PLCB1: variants seen among roughly 807,000 people sequenced by gnomAD.
The protein encoded by PLCB1 is phospholipase C beta 1.
Under a neutral mutation model 161.8 loss-of-function variants are expected in PLCB1, and 46 were observed. The ratio of observed to expected loss-of-function variants is 0.28; its 90% CI spans 0.22 to 0.36. The LOEUF is 0.36. Among genes scored for constraint, PLCB1 ranks in the 10% least tolerant of loss-of-function variants. The pLI is 1.00. For synonymous variants in PLCB1, 517 were observed against 503.7 expected, an observed-to-expected ratio of 1.03 and a Z score of -0.35; for missense variants, 1,016 against 1,472.5, an observed-to-expected ratio of 0.69 and a Z score of 5.07.
intron 2 of PLCB1, among the ~76,000 whole-genome samples, chr20:8,156,474 G>A (rs2051564640): frequency 6.6e-6 from 1 of 152,208 alleles, no homozygotes; most frequent in South Asian, 2.1e-4. Flanking sequence ...TAATGCAGAT[G>A]CATAGTGCTT....
chr20:8,816,625 A>G lies in PLCB1; in HGVS notation c.3423+26364A>G, dbSNP rs568729589. On this transcript the variant is annotated intron_variant, in intron 31 of 31. Coordinates refer to ENST00000338037, the MANE Select transcript of PLCB1 (RefSeq NM_015192.4). The stretch of plus-strand genomic sequence containing the variant: ...CAAATTCTGTTCTTTCTATAAGCAT[A>G]TATATGAATATGAATGAACAGAGAA... Among the ~76,000 whole-genome samples the G allele has an allele frequency of 7.9e-5, 12 of 152,346 alleles. No individual in the cohort carries two copies. The South Asian group carries it at 2.3e-3, about 29-fold the overall frequency.
chr20:8,475,465 C>T lies in PLCB1; in HGVS notation c.246+104015C>T, dbSNP rs1269159194. 2.6e-5 allele frequency among the ~76,000 whole-genome samples: 4 copies of T among 152,094 alleles called. No homozygotes were observed. The East Asian group carries it at 7.7e-4, about 29-fold the overall frequency. On this transcript the variant is annotated intron_variant, in intron 3 of 31. Transcript: ENST00000338037. ...AAGACAGAGATGTCCTTGCAACAAA[C>T]CAGAAAGTGAGGTATAACTATTCTA...
At chr20:8,537,908 A>C (rs1328585575) in intron 3 of PLCB1, among the ~76,000 whole-genome samples, 3 of 152,208 alleles carry the variant, frequency 2.0e-5, no homozygotes. Context: ...ACTGAAGAAA[A>C]GTGTCCCGAG....
rs189965641 is a variant in PLCB1 at position 8,708,320 on chromosome 20, A to G, written c.1168-350A>G. Among the ~76,000 whole-genome samples the G allele has an allele frequency of 1.3e-3, 194 of 152,314 alleles. 3 individuals carry two copies. The East Asian group carries it at 0.028, about 22-fold the overall frequency. On this transcript the variant is annotated intron_variant, in intron 11 of 31. Coordinates refer to ENST00000338037, the MANE Select transcript of PLCB1 (RefSeq NM_015192.4). ...ATGCTAACAATGGTTTGGTTCAGAA[A>G]GTGGATTTGTGGGTGAAAATTTTTG...
chr20:8,735,685 G>A (rs1980545529), intron 19 of PLCB1, among the ~76,000 whole-genome samples: 1 of 152,196 alleles, frequency 6.6e-6, no homozygotes, highest in East Asian at 1.9e-4. Flanking sequence ...CTGTGCATCT[G>A]AATTCCAAGT....
intron 3 of PLCB1, among the ~76,000 whole-genome samples, chr20:8,401,078 G>C (rs995461401): frequency 1.3e-5 from 2 of 152,026 alleles, no homozygotes; most frequent in African/African-American, 4.8e-5. Context: ...TTTGATCTTT[G>C]AAATGTTATA....
intron 2 of PLCB1, among the ~76,000 whole-genome samples, chr20:8,291,038 T>TATTCATCAGTGCTCAGAATAGACCTCATG: frequency 6.7e-6 from 1 of 148,644 alleles, no homozygotes; most frequent in South Asian, 2.2e-4. Flanking sequence ...ACAATCTTTT[T>TATTCATCAGTGCTCAGAATAGACCTCATG]GTGAAAAAAA....
intron 3 of PLCB1, among the ~76,000 whole-genome samples, chr20:8,546,513 A>T (rs1040834467): frequency 1.3e-5 from 2 of 152,156 alleles, no homozygotes; most frequent in African/African-American, 4.8e-5. Flanking sequence ...TATACTACCA[A>T]GAATGCCACT....
At chr20:8,204,995 A>G (rs1470793714) in intron 2 of PLCB1, among the ~76,000 whole-genome samples, 1 of 152,176 alleles carries the variant, frequency 6.6e-6, no homozygotes, top group Non-Finnish European at 1.5e-5. Flanking sequence ...ATCTGTGATA[A>G]TAAGTTATTA....
intron 2 of PLCB1, among the ~76,000 whole-genome samples, chr20:8,248,255 T>C (rs956913695): frequency 6.6e-6 from 1 of 151,914 alleles, no homozygotes; most frequent in African/African-American, 2.4e-5. Context: ...TTTACATTCC[T>C]TCATCCATCT....
chr20:8,434,831 G>C (rs1348618657), intron 3 of PLCB1, among the ~76,000 whole-genome samples: 1 of 152,102 alleles, frequency 6.6e-6, no homozygotes, highest in Non-Finnish European at 1.5e-5. Context: ...CCCACATCGT[G>C]GATAATAAAG....
At chr20:8,170,831 C>T (rs1018129196) in intron 2 of PLCB1, among the ~76,000 whole-genome samples, 2 of 152,170 alleles carry the variant, frequency 1.3e-5, no homozygotes, top group Non-Finnish European at 2.9e-5. Flanking sequence ...CATAGGCCAA[C>T]AATACAGTCG....
chr20:8,329,821 A>G (rs897975906), intron 2 of PLCB1, among the ~76,000 whole-genome samples: 1 of 152,206 alleles, frequency 6.6e-6, no homozygotes, highest in Admixed American at 6.5e-5. Flanking sequence ...TTCTGAAATC[A>G]GAGTTGGGTC....
At chr20:8,243,037 C>A (rs909314817) in intron 2 of PLCB1, among the ~76,000 whole-genome samples, 1 of 151,946 alleles carries the variant, frequency 6.6e-6, no homozygotes, top group Non-Finnish European at 1.5e-5. Context: ...TGCATCGTTA[C>A]GGGCATGCTA....
At chr20:8,296,495 A>G (rs1215142618) in intron 2 of PLCB1, among the ~76,000 whole-genome samples, 1 of 152,154 alleles carries the variant, frequency 6.6e-6, no homozygotes, top group Admixed American at 6.5e-5. Flanking sequence ...AACCATGTTT[A>G]TTGGCCTAGG....
At chr20:8,781,217 T>C (rs927695655) in intron 27 of PLCB1, among the ~76,000 whole-genome samples, 13 of 152,300 alleles carry the variant, frequency 8.5e-5, no homozygotes, top group Middle Eastern at 3.4e-3. Context: ...ATTTGGACTT[T>C]ACATAGGGTC....
chr20:8,168,495 AG>A (rs564109830), intron 2 of PLCB1, among the ~76,000 whole-genome samples: 124 of 152,248 alleles, frequency 8.1e-4, no homozygotes, highest in Admixed American at 1.5e-3. Context: ...GGTCCCTGAT[AG>A]GTGTTCTGAA....
chr20:8,390,439 G>T (rs894642452), intron 3 of PLCB1, among the ~76,000 whole-genome samples: 1 of 152,066 alleles, frequency 6.6e-6, no homozygotes, highest in Non-Finnish European at 1.5e-5. Context: ...ATTACTGGGG[G>T]TTAATACTTC....
chr20:8,761,425 T>C (rs900951233), intron 25 of PLCB1, among the ~76,000 whole-genome samples: 3 of 152,230 alleles, frequency 2.0e-5, no homozygotes, highest in Non-Finnish European at 4.4e-5. Flanking sequence ...ATTTATGCAC[T>C]TTGATGCGTA....
Sources: gnomAD v4.1 joint callset for allele counts (sites outside exome capture counted in the v4.1 genomes callset) on GRCh38, gnomAD v4.1.1 for gene constraint, MANE v1.5 for transcripts, NCBI Gene and HGNC (gene_info 2026-07-23, HGNC 2026-07-21) for gene names.